Variants in TMEFF1 observed in about 807,000 individuals in gnomAD.
TMEFF1 encodes the protein transmembrane protein with EGF like and two follistatin like domains 1, also known as tomoregulin-1.
A neutral mutation model predicts 47.5 loss-of-function variants in TMEFF1; 20 were observed. That is an observed-to-expected ratio of 0.42 (90% CI 0.30 to 0.61). The LOEUF is 0.61. TMEFF1 is among the 20% of genes least tolerant of loss of function. The pLI, the probability that TMEFF1 is intolerant of heterozygous loss-of-function variation, is 0.19. For missense variants in TMEFF1, 411 were observed against 471.1 expected, an observed-to-expected ratio of 0.87 and a Z score of 1.18; for synonymous variants, 162 against 166.3, an observed-to-expected ratio of 0.97 and a Z score of 0.20.
At chr9:100,497,169 G>A (rs1054465799) in intron 1 of TMEFF1, among the ~76,000 whole-genome samples, 1 of 152,074 alleles carries the variant, frequency 6.6e-6, no homozygotes, top group Non-Finnish European at 1.5e-5. Context: ...GCAAAAATGG[G>A]GAGGTAAGGA....
chr9:100,487,479 C>T (rs929838956), intron 1 of TMEFF1, among the ~76,000 whole-genome samples: 1 of 152,130 alleles, frequency 6.6e-6, no homozygotes, highest in African/African-American at 2.4e-5. Flanking sequence ...CCTTCTCTCT[C>T]TAAAGTGGTT....
intron 1 of TMEFF1, among the ~76,000 whole-genome samples, chr9:100,475,294 G>A (rs1408543023): frequency 1.3e-5 from 2 of 152,124 alleles, no homozygotes; most frequent in Admixed American, 6.5e-5. Context: ...ATATGGTAAT[G>A]TTTTATGAGG....
intron 5 of TMEFF1, among the ~76,000 whole-genome samples, chr9:100,536,405 AC>A (rs1838508524): frequency 6.6e-6 from 1 of 152,188 alleles, no homozygotes; most frequent in Non-Finnish European, 1.5e-5. Context: ...GGAACTGGGA[AC>A]AAAAAAAACG....
chr9:100,503,865 A>G (rs1020115604), intron 2 of TMEFF1, among the ~76,000 whole-genome samples: 1 of 152,242 alleles, frequency 6.6e-6, no homozygotes, highest in Non-Finnish European at 1.5e-5. Flanking sequence ...AATCTCATCT[A>G]GAAATTCCTT....
At chr9:100,570,200 A>G (rs1587860687) in intron 8 of TMEFF1, among the ~76,000 whole-genome samples, 1 of 152,302 alleles carries the variant, frequency 6.6e-6, no homozygotes, top group South Asian at 2.1e-4. Context: ...CTTAGATTAA[A>G]TCCATATCTT....
chr9:100,546,609 T>C (rs923473834), intron 5 of TMEFF1, among the ~76,000 whole-genome samples: 1 of 152,222 alleles, frequency 6.6e-6, no homozygotes, highest in Non-Finnish European at 1.5e-5. Flanking sequence ...GAGAGCTCAA[T>C]TGACCTTTCT....
At chr9:100,474,214 T>A (rs531371299) in intron 1 of TMEFF1, among the ~76,000 whole-genome samples, 1 of 141,486 alleles carries the variant, frequency 7.1e-6, no homozygotes, top group Middle Eastern at 3.4e-3. Flanking sequence ...CATGTGCTGA[T>A]GTGCTGGGGA....
chr9:100,483,472 G>A (rs544504328), intron 1 of TMEFF1, among the ~76,000 whole-genome samples: 4 of 151,058 alleles, frequency 2.6e-5, no homozygotes, highest in African/African-American at 9.7e-5. Context: ...ACTCCAGCCT[G>A]GGCAACAAGA....
At chr9:100,545,601 C>T (rs750069900) in intron 5 of TMEFF1, among the ~76,000 whole-genome samples, 3 of 152,186 alleles carry the variant, frequency 2.0e-5, no homozygotes, top group Admixed American at 1.3e-4. Flanking sequence ...GATTAACATT[C>T]GACTGCTTGT....
chr9:100,527,700 A>G (rs1359317218), intron 5 of TMEFF1, among the ~76,000 whole-genome samples: 2 of 152,186 alleles, frequency 1.3e-5, no homozygotes, highest in African/African-American at 2.4e-5. Flanking sequence ...GCTTACGTAA[A>G]CAAAGCAGCC....
chr9:100,576,085 T>C (rs1839347364), intron 9 of TMEFF1, among the ~76,000 whole-genome samples: 2 of 152,088 alleles, frequency 1.3e-5, no homozygotes, highest in African/African-American at 2.4e-5. Flanking sequence ...TCATCTAAGC[T>C]CTTCTTGTCA....
chr9:100,572,444 A>G, intron 8 of TMEFF1, 74 bp from the exon 9 acceptor site: 2 of 1,412,386 alleles, frequency 1.4e-6, no homozygotes, highest in Middle Eastern at 2.6e-4. Flanking sequence ...ACTATTTTGT[A>G]TTTTTTAATG....
At chr9:100,524,920 G>T (rs888378291) in intron 5 of TMEFF1, among the ~76,000 whole-genome samples, 2 of 152,096 alleles carry the variant, frequency 1.3e-5, no homozygotes, top group African/African-American at 2.4e-5. Flanking sequence ...GCCCCGGTGT[G>T]TGATGAGGAA....
chr9:100,559,409 G>A (rs1183883742), intron 7 of TMEFF1, among the ~76,000 whole-genome samples: 2 of 152,154 alleles, frequency 1.3e-5, no homozygotes, highest in East Asian at 3.8e-4. Flanking sequence ...GATCTGTTTT[G>A]CACTTTCCAT....
At chr9:100,505,262 A>G (rs1837834323) in intron 2 of TMEFF1, among the ~76,000 whole-genome samples, 1 of 151,726 alleles carries the variant, frequency 6.6e-6, no homozygotes, top group Non-Finnish European at 1.5e-5. Flanking sequence ...AAATACAAAA[A>G]TTGGCTGGGC....
At chr9:100,484,982 T>C (rs1034556027) in intron 1 of TMEFF1, among the ~76,000 whole-genome samples, 1 of 152,194 alleles carries the variant, frequency 6.6e-6, no homozygotes, top group Non-Finnish European at 1.5e-5. Flanking sequence ...TGGCCATGAT[T>C]TACTATCTTT....
intron 7 of TMEFF1, among the ~76,000 whole-genome samples, chr9:100,552,812 A>G (rs1227779844): frequency 6.6e-6 from 1 of 151,596 alleles, no homozygotes; most frequent in Non-Finnish European, 1.5e-5. Context: ...CAGTCAACTG[A>G]GATCGCACCA....
Position 100,473,665 on chromosome 9 carries a change from A to C in TMEFF1, c.121A>C (p.Asn41His). The C allele has an allele frequency of 1.3e-6, 2 of 1,545,710 alleles. No homozygotes were observed. The highest frequency in any genetic ancestry group is 1.7e-6 in the Non-Finnish European group (2 of 1,145,494). The change falls in exon 1 of 10, where the codon AAC becomes CAC. Residue 41 changes from asparagine (N) to histidine (H), a missense_variant. Asn to His is a moderately conservative substitution (Grantham distance 68). Coordinates refer to ENST00000374879, the MANE Select transcript of TMEFF1 (RefSeq NM_003692.5). This position sits in a 1 kb window ranked among gnomAD's most constrained non-coding sequence, Gnocchi z 5.4. ...AFSLPGSRASNQPPGGGGGSG... is the reference protein window; with the variant it reads ...AFSLPGSRASHQPPGGGGGSG... ...CTCTCTGCCCGGGAGCCGCGCGTCC[A>C]ACCAGCCCCCGGGTGGTGGCGGCGG...
chr9:100,549,704 C>T (rs919041121), intron 6 of TMEFF1, among the ~76,000 whole-genome samples: 2 of 152,138 alleles, frequency 1.3e-5, no homozygotes, highest in African/African-American at 4.8e-5. Flanking sequence ...AGAGATTCCC[C>T]ATTTATCTTA....
Sources: gnomAD v4.1 joint callset for allele counts (sites outside exome capture counted in the v4.1 genomes callset) on GRCh38, gnomAD v4.1.1 for gene constraint, Gnocchi (gnomAD v3.1) non-coding constraint, MANE v1.5 for transcripts, NCBI Gene and HGNC (gene_info 2026-07-23, HGNC 2026-07-21) for gene names.